CFAP299: variants seen among roughly 807,000 people sequenced by gnomAD.
CFAP299 encodes the protein cilia and flagella associated protein 299.
Under a neutral mutation model 27.0 loss-of-function variants are expected in CFAP299, and 21 were observed. The ratio of observed to expected loss-of-function variants is 0.78; its 90% CI spans 0.55 to 1.12. The LOEUF (loss-of-function observed/expected upper bound fraction) is 1.12, where lower values mean the gene tolerates loss of function less well. Among genes scored for constraint, CFAP299 ranks in the 50% most tolerant of loss-of-function variants. The probability of loss-of-function intolerance (pLI) is 0.00; values close to 1 mark genes in which losing one functional copy is unlikely to be tolerated. For synonymous variants in CFAP299, 104 were observed against 98.1 expected (o/e 1.06, Z -0.36); for missense variants, 310 against 276.6 (o/e 1.12, Z -0.86).
In CFAP299 at chr4:80,619,105, C is replaced by G. The variant is rs138187963; in HGVS notation, c.333+35922C>G. Among the ~76,000 whole-genome samples the G allele has an allele frequency of 9.0e-3, 1,365 of 152,214 alleles. 21 individuals are homozygous for G. Among genetic ancestry groups the G allele is most frequent in the African/African-American group, 0.03 (1,260 of 41,536 alleles). ...TTAGATGGTAATTATTCTGTCTGAACATGTGAAAATGCAAACAAAATATAA... is the reference window on the plus strand; with the variant it reads ...TTAGATGGTAATTATTCTGTCTGAAGATGTGAAAATGCAAACAAAATATAA... On this transcript the variant is annotated intron_variant, in intron 3 of 5. Coordinates refer to ENST00000358105, the MANE Select transcript of CFAP299 (RefSeq NM_152770.3).
intron 3 of CFAP299, among the ~76,000 whole-genome samples, chr4:80,594,842 A>G (rs748290893): frequency 7.2e-5 from 11 of 152,182 alleles, no homozygotes; most frequent in Non-Finnish European, 1.0e-4. Flanking sequence ...GAATAACACG[A>G]CACAAAAGCT....
chr4:80,473,259 C>G (rs529321369), intron 2 of CFAP299, among the ~76,000 whole-genome samples: 1 of 151,888 alleles, frequency 6.6e-6, no homozygotes, highest in Admixed American at 6.6e-5. Context: ...ATCAGCCAGG[C>G]GAGGATCAGG....
At chr4:80,578,346 T>C (rs1735979331) in intron 2 of CFAP299, among the ~76,000 whole-genome samples, 1 of 152,194 alleles carries the variant, frequency 6.6e-6, no homozygotes, top group African/African-American at 2.4e-5. Context: ...TTTTCCAATA[T>C]TTCCTCTTGC....
intron 2 of CFAP299, among the ~76,000 whole-genome samples, chr4:80,542,052 T>C (rs535094132): frequency 6.6e-6 from 1 of 152,298 alleles, no homozygotes; most frequent in East Asian, 1.9e-4. Flanking sequence ...TTGTTGAGTC[T>C]GCTCACTCTC....
At chr4:80,527,339 A>G (rs1391571714) in intron 2 of CFAP299, among the ~76,000 whole-genome samples, 1 of 152,160 alleles carries the variant, frequency 6.6e-6, no homozygotes, top group Non-Finnish European at 1.5e-5. Flanking sequence ...ACAGGAGAAC[A>G]TTGTAAGAAT....
intron 2 of CFAP299, among the ~76,000 whole-genome samples, chr4:80,468,635 G>A (rs1217965784): frequency 1.3e-5 from 2 of 151,324 alleles, no homozygotes; most frequent in Non-Finnish European, 2.9e-5. Flanking sequence ...AGGAGTTCAA[G>A]ACCAGCCTGG....
chr4:80,402,698 C>G (rs1432819185), intron 2 of CFAP299, among the ~76,000 whole-genome samples: 2 of 152,184 alleles, frequency 1.3e-5, no homozygotes, highest in Non-Finnish European at 2.9e-5. Flanking sequence ...AAGACTCTAG[C>G]TTTCTGGTAT....
chr4:80,862,147 A>G lies in CFAP299; in HGVS notation c.334-7846A>G, dbSNP rs528213228. ...CACTTTGGAAGGCCACGGTGGGTGGATCATTTGAGGTCAGGAGTTCGAGAC... is the reference window on the plus strand; with the variant it reads ...CACTTTGGAAGGCCACGGTGGGTGGGTCATTTGAGGTCAGGAGTTCGAGAC... On this transcript the variant is annotated intron_variant, in intron 3 of 5. Transcript: ENST00000358105. Among the ~76,000 whole-genome samples, 5 of 152,218 alleles carry G rather than the reference A, an allele frequency of 3.3e-5. No individual in the cohort carries two copies. The South Asian group carries it at 1.0e-3, about 32-fold the overall frequency.
the CFAP299 span, among the ~76,000 whole-genome samples, chr4:80,327,690 T>TTTTA: frequency 0.027 from 1,387 of 51,190 alleles, 68 homozygotes; most frequent in African/African-American, 0.067. Flanking sequence ...TAGAGAGAAG[T>TTTTA]TATATATATA....
chr4:80,776,042 G>A (rs1026151989), intron 3 of CFAP299, among the ~76,000 whole-genome samples: 5 of 152,034 alleles, frequency 3.3e-5, no homozygotes, highest in African/African-American at 1.2e-4. Flanking sequence ...GTAGACTGTT[G>A]CTGTTAGGTT....
intron 3 of CFAP299, among the ~76,000 whole-genome samples, chr4:80,671,182 G>C (rs190892308): frequency 6.6e-6 from 1 of 152,246 alleles, no homozygotes; most frequent in East Asian, 1.9e-4. Flanking sequence ...TGTAAGGAAA[G>C]GATCCAGTTT....
intron 3 of CFAP299, among the ~76,000 whole-genome samples, chr4:80,740,515 T>C: frequency 6.6e-6 from 1 of 152,128 alleles, no homozygotes; most frequent in Admixed American, 6.5e-5. Flanking sequence ...ACTGGGCATG[T>C]GATGATGCAA....
At chr4:80,495,848 C>T (rs1731410525) in intron 2 of CFAP299, among the ~76,000 whole-genome samples, 1 of 152,160 alleles carries the variant, frequency 6.6e-6, no homozygotes, top group South Asian at 2.1e-4. Context: ...CCTCTGGCAA[C>T]CCAAATAAGC....
At chr4:80,776,386 A>G (rs187099715) in intron 3 of CFAP299, among the ~76,000 whole-genome samples, 1 of 152,270 alleles carries the variant, frequency 6.6e-6, no homozygotes, top group Admixed American at 6.5e-5. Context: ...CCATAGTAGT[A>G]CATAAATGCG....
intron 4 of CFAP299, among the ~76,000 whole-genome samples, chr4:80,908,622 T>C (rs1052087991): frequency 1.3e-5 from 2 of 152,228 alleles, no homozygotes; most frequent in African/African-American, 4.8e-5. Flanking sequence ...TTTCTCATTA[T>C]ATCTCAGATC....
At chr4:80,638,931 C>G (rs1378479266) in intron 3 of CFAP299, among the ~76,000 whole-genome samples, 1 of 152,122 alleles carries the variant, frequency 6.6e-6, no homozygotes, top group African/African-American at 2.4e-5. Context: ...TGGTAGATTT[C>G]TATTGAGAGT....
chr4:80,485,687 G>A (rs967214225), intron 2 of CFAP299, among the ~76,000 whole-genome samples: 1 of 152,064 alleles, frequency 6.6e-6, no homozygotes, highest in Non-Finnish European at 1.5e-5. Flanking sequence ...ATAATAGAGA[G>A]CTAAAGAGAA....
At chr4:80,762,005 T>C (rs561997763) in intron 3 of CFAP299, among the ~76,000 whole-genome samples, 1 of 152,148 alleles carries the variant, frequency 6.6e-6, no homozygotes, top group South Asian at 2.1e-4. Context: ...TAAGTATTTG[T>C]GTACATGTTT....
intron 3 of CFAP299, among the ~76,000 whole-genome samples, chr4:80,792,917 T>A (rs978394349): frequency 1.3e-5 from 2 of 152,094 alleles, no homozygotes; most frequent in Non-Finnish European, 2.9e-5. Context: ...TCTAATAATA[T>A]CCAGTTTGTT....
Sources: gnomAD v4.1 joint callset for allele counts (sites outside exome capture counted in the v4.1 genomes callset) on GRCh38, gnomAD v4.1.1 for gene constraint, MANE v1.5 for transcripts, NCBI Gene and HGNC (gene_info 2026-07-23, HGNC 2026-07-21) for gene names.